PDZRN4: variants seen among roughly 807,000 people sequenced by gnomAD.
PDZRN4 encodes PDZ domain containing ring finger 4.
Under a neutral mutation model 99.0 loss-of-function variants are expected in PDZRN4, and 70 were observed. The observed-to-expected ratio is 0.71, with a 90% confidence interval of 0.58 to 0.86. The LOEUF (loss-of-function observed/expected upper bound fraction) is 0.86, where lower values mean the gene tolerates loss of function less well. PDZRN4 is among the 40% of genes least tolerant of loss of function. PDZRN4 has a pLI of 0.00. For synonymous variants in PDZRN4, 551 were observed against 501.6 expected (o/e 1.10, Z -1.32); for missense variants, 1,474 against 1,331.2 (o/e 1.11, Z -1.67).
At chr12:41,318,596 C>A (rs1171929606) in intron 3 of PDZRN4, among the ~76,000 whole-genome samples, 3 of 152,186 alleles carry the variant, frequency 2.0e-5, no homozygotes, top group Non-Finnish European at 4.4e-5. Context: ...TCCACTGTGC[C>A]TACCAGCCAA....
At chr12:41,238,217 A>T in intron 3 of PDZRN4, among the ~76,000 whole-genome samples, 1 of 151,150 alleles carries the variant, frequency 6.6e-6, no homozygotes, top group African/African-American at 2.4e-5. Flanking sequence ...TAGGTATTTT[A>T]CTCTCTTTGT....
At chr12:41,483,234 C>T (rs1937710499) in intron 3 of PDZRN4, among the ~76,000 whole-genome samples, 1 of 152,058 alleles carries the variant, frequency 6.6e-6, no homozygotes, top group South Asian at 2.1e-4. Flanking sequence ...TTTTCAATTT[C>T]CTTTTTTAAG....
intron 3 of PDZRN4, among the ~76,000 whole-genome samples, chr12:41,341,406 G>A (rs1167546743): frequency 6.6e-6 from 1 of 151,792 alleles, no homozygotes; most frequent in Admixed American, 6.6e-5. Context: ...AAAATAAGAA[G>A]TTAAATTGTC....
intron 3 of PDZRN4, among the ~76,000 whole-genome samples, chr12:41,403,078 A>G (rs965983741): frequency 2.0e-5 from 3 of 152,110 alleles, no homozygotes; most frequent in Admixed American, 6.6e-5. Context: ...AAAATTCAGA[A>G]TTAATGGAGT....
At chr12:41,563,757 T>C (rs1026698224) in intron 8 of PDZRN4, 108 bp downstream of exon 8, 5 of 781,872 alleles carry the variant, frequency 6.4e-6, no homozygotes, top group African/African-American at 3.5e-5. Flanking sequence ...CTCTATCAAA[T>C]CATTATCACG....
At chr12:41,272,938 T>C (rs1477251869) in intron 3 of PDZRN4, among the ~76,000 whole-genome samples, 1 of 152,012 alleles carries the variant, frequency 6.6e-6, no homozygotes, top group Non-Finnish European at 1.5e-5. Flanking sequence ...GAAGTCACAT[T>C]GAAGTCCTAA....
intron 3 of PDZRN4, among the ~76,000 whole-genome samples, chr12:41,278,163 G>A (rs76443260): frequency 0.013 from 2,023 of 152,118 alleles, 20 homozygotes; most frequent in African/African-American, 0.028. Flanking sequence ...TGTTATATGC[G>A]TGACTCATAA....
chr12:41,512,152 A>C (rs1220966700), intron 5 of PDZRN4, among the ~76,000 whole-genome samples: 2 of 151,724 alleles, frequency 1.3e-5, no homozygotes, highest in East Asian at 3.9e-4. Flanking sequence ...TAGAAAGAAG[A>C]CTCCTTTTTC....
chr12:41,468,645 T>C (rs1017362835), intron 3 of PDZRN4, among the ~76,000 whole-genome samples: 1 of 151,198 alleles, frequency 6.6e-6, no homozygotes, highest in African/African-American at 2.4e-5. Flanking sequence ...TTTTGAGTTG[T>C]AGAAACTATG....
intron 3 of PDZRN4, among the ~76,000 whole-genome samples, chr12:41,362,709 C>T (rs1194136832): frequency 6.6e-6 from 1 of 151,988 alleles, no homozygotes; most frequent in Non-Finnish European, 1.5e-5. Flanking sequence ...GCCCTTCTGT[C>T]CAGGGAAGTG....
chr12:41,521,858 A>T (rs1266921471), intron 5 of PDZRN4, among the ~76,000 whole-genome samples: 1 of 152,036 alleles, frequency 6.6e-6, no homozygotes, highest in Non-Finnish European at 1.5e-5. Context: ...CTTTGTTTTT[A>T]TAAACAAATT....
chr12:41,559,133 T>G (rs1939220959), intron 7 of PDZRN4, among the ~76,000 whole-genome samples: 2 of 152,016 alleles, frequency 1.3e-5, no homozygotes, highest in African/African-American at 4.8e-5. Flanking sequence ...TAGCACACCA[T>G]GGGCCTGTAG....
At chr12:41,327,810 G>T (rs1951719590) in intron 3 of PDZRN4, among the ~76,000 whole-genome samples, 1 of 152,078 alleles carries the variant, frequency 6.6e-6, no homozygotes, top group Non-Finnish European at 1.5e-5. Context: ...GTATGTGTGT[G>T]TCTGTGTGTG....
chr12:41,388,702 T>G (rs527292010), intron 3 of PDZRN4, among the ~76,000 whole-genome samples: 1 of 152,280 alleles, frequency 6.6e-6, no homozygotes, highest in African/African-American at 2.4e-5. Flanking sequence ...GAAGACAGAT[T>G]CAGGATTGGA....
At chr12:41,382,023 A>C (rs1391336257) in intron 3 of PDZRN4, among the ~76,000 whole-genome samples, 1 of 152,082 alleles carries the variant, frequency 6.6e-6, no homozygotes, top group Non-Finnish European at 1.5e-5. Flanking sequence ...CTCCATAGTC[A>C]GGCAGGGCTG....
chr12:41,293,422 T>G lies in PDZRN4; in HGVS notation c.843+99234T>G, dbSNP rs572029603. Among the ~76,000 whole-genome samples, 229 of 151,814 alleles carry G rather than the reference T, an allele frequency of 1.5e-3. 1 individual carries two copies. Among genetic ancestry groups the G allele is most frequent in the Non-Finnish European group, 3.0e-3 (207 of 67,902 alleles). On this transcript the variant is annotated intron_variant, in intron 3 of 9. Transcript: ENST00000402685. ...ACTCCATCCTTTTCTGGCTCTCCCCTACTACCTGCGCTCCTGCTCTGTCAA... is the reference window on the plus strand; with the variant it reads ...ACTCCATCCTTTTCTGGCTCTCCCCGACTACCTGCGCTCCTGCTCTGTCAA...
chr12:41,237,765 T>C (rs1463174114), intron 3 of PDZRN4, among the ~76,000 whole-genome samples: 1 of 152,086 alleles, frequency 6.6e-6, no homozygotes, highest in Admixed American at 6.6e-5. Context: ...TTTGTCAAAA[T>C]TCACATAGTT....
chr12:41,193,734 C>T (rs1179710117), intron 2 of PDZRN4, among the ~76,000 whole-genome samples: 2 of 152,312 alleles, frequency 1.3e-5, no homozygotes, highest in African/African-American at 4.8e-5. Flanking sequence ...TTAACCTTAT[C>T]ACCCTTTTAC....
chr12:41,473,412 G>T (rs1953011726), intron 3 of PDZRN4: 1 of 152,166 alleles, frequency 6.6e-6, no homozygotes, highest in Non-Finnish European at 1.5e-5. Flanking sequence ...ATGGGATTGT[G>T]CTCAGGTGCT....
Sources: allele counts gnomAD v4.1 joint callset (sites outside exome capture counted in the v4.1 genomes callset), GRCh38; gene constraint gnomAD v4.1.1; transcripts MANE v1.5; gene names NCBI Gene and HGNC (gene_info 2026-07-23, HGNC 2026-07-21).